Variants in ANKRD11 observed in about 807,000 individuals in gnomAD.
ANKRD11 encodes ankyrin repeat domain-containing protein 11.
A neutral mutation model predicts 195.7 loss-of-function variants in ANKRD11; 17 were observed. That is an observed-to-expected ratio of 0.09 (90% CI 0.06 to 0.13). The LOEUF is 0.13. Ranked by LOEUF, ANKRD11 falls within the 10% of genes least tolerant of loss-of-function variation. The pLI is 1.00. For missense variants in ANKRD11, 3,735 were observed against 3,566.1 expected (o/e 1.05, Z -1.21); for synonymous variants, 1,953 against 1,528.1 (o/e 1.28, Z -6.49).
chr16:89,398,050 T>C (rs2080947923), intron 2 of ANKRD11, among the ~76,000 whole-genome samples: 1 of 152,256 alleles, frequency 6.6e-6, no homozygotes, highest in Non-Finnish European at 1.5e-5. Flanking sequence ...AATTAAATTG[T>C]GTTTGGAGAA....
Position 89,457,900 on chromosome 16 carries a change from G to A in ANKRD11, c.-145+32345C>T, listed in dbSNP as rs2965815. On this transcript the variant is annotated intron_variant, in intron 1 of 12. Coordinates refer to ENST00000301030, the MANE Select transcript of ANKRD11 (RefSeq NM_013275.6). ...CAAGTGTGGAGCTGAATGGAGCCAC[G>A]CGAACCAATACACAATCGTCAGATT... Among the ~76,000 whole-genome samples the A allele has an allele frequency of 0.025, 3,814 of 152,128 alleles. 104 individuals are homozygous for A. Among genetic ancestry groups the A allele is most frequent in the East Asian group, 0.15 (792 of 5,162 alleles).
At chr16:89,447,794 A>G (rs964996979) in intron 1 of ANKRD11, among the ~76,000 whole-genome samples, 74 of 151,004 alleles carry the variant, frequency 4.9e-4, no homozygotes, top group African/African-American at 1.5e-3. Flanking sequence ...CTAAAATACA[A>G]TAACTTTTTC....
intron 12 of ANKRD11, chr16:89,270,553 A>G: frequency 3.9e-6 from 2 of 516,904 alleles, no homozygotes; most frequent in African/African-American, 1.9e-5. Context: ...CTGACCATCA[A>G]GCCTAGGGTC....
At chr16:89,386,090 C>A (rs1412355844) in intron 2 of ANKRD11, among the ~76,000 whole-genome samples, 3 of 152,222 alleles carry the variant, frequency 2.0e-5, no homozygotes, top group Admixed American at 2.0e-4. Flanking sequence ...GATGCCAGGG[C>A]TTCTCCTATT....
intron 2 of ANKRD11, among the ~76,000 whole-genome samples, chr16:89,401,612 G>A (rs906388416): frequency 6.6e-6 from 1 of 152,102 alleles, no homozygotes; most frequent in Non-Finnish European, 1.5e-5. Context: ...GAGTTGAAAT[G>A]TGTCCCCCAA....
intron 3 of ANKRD11, among the ~76,000 whole-genome samples, chr16:89,310,395 T>C (rs1281312706): frequency 6.6e-6 from 1 of 152,238 alleles, no homozygotes; most frequent in East Asian, 1.9e-4. Flanking sequence ...AATTCTGTTC[T>C]TTCTCAAGGT....
At chr16:89,301,270 T>C (rs1417496886) in intron 4 of ANKRD11, 2 of 375,310 alleles carry the variant, frequency 5.3e-6, no homozygotes, top group Non-Finnish European at 9.4e-6. Flanking sequence ...TGGCTACTTT[T>C]AGATTTTTTA....
At chr16:89,378,208 G>A (rs2040502473) in intron 2 of ANKRD11, among the ~76,000 whole-genome samples, 2 of 152,164 alleles carry the variant, frequency 1.3e-5, no homozygotes, top group South Asian at 4.1e-4. Context: ...GGGAAAAAAA[G>A]TGCTTTGTAT....
chr16:89,313,898 G>T (rs2036772191), intron 3 of ANKRD11, among the ~76,000 whole-genome samples: 1 of 152,206 alleles, frequency 6.6e-6, no homozygotes, highest in Non-Finnish European at 1.5e-5. Flanking sequence ...CCTCCATGAG[G>T]AAAATGCCTG....
At chr16:89,327,069 GAATGCAGAGGTTGGA>G (rs1567652851) in intron 2 of ANKRD11, among the ~76,000 whole-genome samples, 2 of 38,962 alleles carry the variant, frequency 5.1e-5, no homozygotes, top group South Asian at 6.6e-4. Context: ...CAGAGGTGGG[GAATGCAGAGGTTGGA>G]AATGCAGAGG....
intron 3 of ANKRD11, among the ~76,000 whole-genome samples, chr16:89,308,858 C>T (rs374016448): frequency 2.0e-5 from 3 of 152,072 alleles, no homozygotes; most frequent in South Asian, 4.2e-4. Context: ...TGAGGGTGAG[C>T]GCCATGAAAA....
chr16:89,386,165 G>A (rs2040901956), intron 2 of ANKRD11, among the ~76,000 whole-genome samples: 3 of 152,112 alleles, frequency 2.0e-5, no homozygotes, highest in African/African-American at 7.2e-5. Flanking sequence ...GGCTTCCAAT[G>A]AACAATTCAT....
intron 1 of ANKRD11, among the ~76,000 whole-genome samples, chr16:89,428,869 G>A (rs995647731): frequency 1.3e-5 from 2 of 152,058 alleles, no homozygotes; most frequent in Admixed American, 1.3e-4. Flanking sequence ...ATTATAGCCT[G>A]GGCAACAGAG....
In ANKRD11 at chr16:89,324,301, G is replaced by A. The variant is rs192788151; in HGVS notation, c.-59-7223C>T. On this transcript the variant is annotated intron_variant, in intron 2 of 12. Transcript: ENST00000301030. ...CCGTGCTCCGGAACACGGACCACCC[G>A]ACAGGAGCACGGACACAGCAGTCGG... 1.9e-3 allele frequency: 2,421 copies of A among 1,269,568 alleles called. 11 individuals carry two copies. In the Middle Eastern group the frequency reaches 0.022, roughly 12 times the overall value. 78.6% of individuals were successfully genotyped at this position (1,269,568 alleles called of 1,614,324 possible).
rs555632849 is a variant in ANKRD11, at chr16:89,356,259, G to A, written c.-59-39181C>T. 2.6e-5 allele frequency among the ~76,000 whole-genome samples: 4 copies of A among 151,812 alleles called. No homozygotes were observed. In the East Asian group the frequency reaches 7.8e-4, roughly 30 times the overall value. On this transcript the variant is annotated intron_variant, in intron 2 of 12. Transcript: ENST00000301030. ...AAAACTGATTACAGACTTTCAGGAC[G>A]TCCAAAGGAGACATCTTTGTCAAGG...
chr16:89,403,310 C>A (rs918784862), intron 2 of ANKRD11, among the ~76,000 whole-genome samples: 1 of 152,190 alleles, frequency 6.6e-6, no homozygotes, highest in Admixed American at 6.5e-5. Flanking sequence ...GGCCTGCTCC[C>A]CCCTCCTGAC....
At chr16:89,355,821 C>T (rs755604421) in intron 2 of ANKRD11, among the ~76,000 whole-genome samples, 1 of 152,192 alleles carries the variant, frequency 6.6e-6, no homozygotes, top group Non-Finnish European at 1.5e-5. Context: ...CGGCAAGGGT[C>T]TGTGGCTCTC....
intron 1 of ANKRD11, among the ~76,000 whole-genome samples, chr16:89,445,470 A>G (rs1244103857): frequency 6.6e-6 from 1 of 152,106 alleles, no homozygotes; most frequent in Non-Finnish European, 1.5e-5. Context: ...CCCAACCTGC[A>G]AACATACCTA....
At chr16:89,394,055 G>T (rs1438138907) in intron 2 of ANKRD11, among the ~76,000 whole-genome samples, 1 of 152,142 alleles carries the variant, frequency 6.6e-6, no homozygotes, top group South Asian at 2.1e-4. Context: ...GCAGCTCACA[G>T]GGTGCTCCTC....
Sources: allele counts gnomAD v4.1 joint callset (sites outside exome capture counted in the v4.1 genomes callset), GRCh38; gene constraint gnomAD v4.1.1; transcripts MANE v1.5; gene names NCBI Gene and HGNC (gene_info 2026-07-23, HGNC 2026-07-21).